The following PCDHA3 variants were observed in gnomAD, a reference collection of about 807,000 sequenced individuals.
PCDHA3 encodes protocadherin alpha 3.
PCDHA3 carries 41 observed loss-of-function variants against 62.2 expected under a neutral mutation model. The observed-to-expected ratio is 0.66, with a 90% CI of 0.51 to 0.86. The LOEUF is 0.86. PCDHA3 is among the 40% of genes least tolerant of loss of function. The pLI, the probability that PCDHA3 is intolerant of heterozygous loss-of-function variation, is 0.00. For synonymous variants in PCDHA3, 640 were observed against 555.4 expected (o/e 1.15, Z -2.14); for missense variants, 1,304 against 1,241.2 (o/e 1.05, Z -0.76).
chr5:140,976,486 G>C (rs782708902), intron 1 of PCDHA3, among the ~76,000 whole-genome samples: 1 of 152,078 alleles, frequency 6.6e-6, no homozygotes, highest in Non-Finnish European at 1.5e-5. Flanking sequence ...GGGAGGCAGA[G>C]GTTGCAGGGA....
At chr5:140,927,903 C>T in intron 1 of PCDHA3, 1 of 1,614,158 alleles carries the variant, frequency 6.2e-7, no homozygotes, top group South Asian at 1.1e-5. Flanking sequence ...ACGATCATGC[C>T]CCCGAACTGG....
chr5:140,928,863 C>T (rs1554206433), intron 1 of PCDHA3: 8 of 1,614,172 alleles, frequency 5.0e-6, no homozygotes, highest in Middle Eastern at 1.7e-4. Context: ...TGCTGTTGAG[C>T]AACTCTGTCC....
In PCDHA3 at chr5:140,849,618, A is replaced by T. The variant is rs2150442599; in HGVS notation, c.2394+46027A>T. On this transcript the variant is annotated intron_variant, in intron 1 of 3. Transcript: ENST00000522353. ...GACAGTTATTGCCCTGATTAGTGTG[A>T]TCGACCTAGACGCAGATGCCAACGG... is the stretch of plus-strand genomic sequence containing the variant. The T allele has an allele frequency of 1.9e-6, 3 of 1,598,686 alleles. No individual in the cohort carries two copies. The South Asian group carries it at 3.3e-5, about 18-fold the overall frequency.
chr5:140,948,318 A>G (rs1423632599), intron 1 of PCDHA3, among the ~76,000 whole-genome samples: 1 of 151,520 alleles, frequency 6.6e-6, no homozygotes, highest in Non-Finnish European at 1.5e-5. Flanking sequence ...TTGAGGGGTA[A>G]TGTTTTCATT....
At position 140,876,825 on chromosome 5, in the gene PCDHA3, T is replaced by C. The variant is rs200732511; in HGVS notation, c.2394+73234T>C. ...TGGAGGTGGCCGACGTGAACGACAA[T>C]GCGCCTGCGTTCGCGCAGCCCGAGT... On this transcript the variant is annotated intron_variant, in intron 1 of 3. Transcript: ENST00000522353. The C allele has an allele frequency of 2.4e-4, 380 of 1,614,056 alleles. 4 individuals carry two copies. The East Asian group carries it at 3.4e-3, about 15-fold the overall frequency.
rs545348313 is a variant in PCDHA3, at chr5:140,968,526, C to T, written c.2395-10423C>T. ...ATTCTGTACCCTACCTCAACCAACTCGTCAGCAGCCTTCGAGATGGTGCCT... is the reference window on the plus strand; with the variant it reads ...ATTCTGTACCCTACCTCAACCAACTTGTCAGCAGCCTTCGAGATGGTGCCT... On this transcript the variant is annotated intron_variant, in intron 1 of 3. Transcript: ENST00000522353. 9.9e-6 allele frequency: 16 copies of T among 1,614,200 alleles called. No individual in the cohort carries two copies. The Admixed American group carries it at 1.3e-4, about 13-fold the overall frequency.
intron 3 of PCDHA3, among the ~76,000 whole-genome samples, chr5:140,993,888 G>A (rs1196429613): frequency 6.6e-6 from 1 of 152,140 alleles, no homozygotes; most frequent in African/African-American, 2.4e-5. Flanking sequence ...GCTCTATGAT[G>A]TCCATACAAC....
intron 1 of PCDHA3, among the ~76,000 whole-genome samples, chr5:140,892,561 A>G (rs766284976): frequency 1.3e-5 from 2 of 152,156 alleles, no homozygotes; most frequent in Non-Finnish European, 2.9e-5. Context: ...GTCCTTGGAG[A>G]CTGTCAAAAG....
At chr5:140,804,261 T>A (rs1212354141) in intron 1 of PCDHA3, 2 of 152,214 alleles carry the variant, frequency 1.3e-5, no homozygotes, top group African/African-American at 4.8e-5. Context: ...AGAATAACAA[T>A]TGCATTTAGA....
intron 1 of PCDHA3, chr5:140,850,778 C>G (rs371734141): frequency 6.3e-7 from 1 of 1,597,940 alleles, no homozygotes; most frequent in Non-Finnish European, 8.6e-7. Context: ...TGTGCTCTGG[C>G]GAGGGTAAGC....
At chr5:140,955,343 A>G (rs1031411707) in intron 1 of PCDHA3, among the ~76,000 whole-genome samples, 16 of 152,134 alleles carry the variant, frequency 1.1e-4, no homozygotes, top group African/African-American at 3.9e-4. Context: ...TAATCCCCAC[A>G]TGTTGTGAGA....
rs116723352 is a variant in PCDHA3 at position 140,805,359 on chromosome 5, G to T, written c.2394+1768G>T. On this transcript the variant is annotated intron_variant, in intron 1 of 3. Transcript: ENST00000522353. ...TGATCATTTTGTAAAAATATAGTTT[G>T]GGTCCCCACATAGTGAAAGTACTCT... 602 of 1,184,762 alleles carry T rather than the reference G, an allele frequency of 5.1e-4. 6 individuals carry two copies. In the African/African-American group the frequency reaches 8.8e-3, roughly 17 times the overall value. 73.4% of individuals were successfully genotyped at this position (1,184,762 alleles called of 1,614,324 possible).
At chr5:140,901,697 C>T (rs57431111) in intron 1 of PCDHA3, among the ~76,000 whole-genome samples, 1,867 of 152,140 alleles carry the variant, frequency 0.012, 40 homozygotes, top group African/African-American at 0.043. Context: ...TTTTGTAGTT[C>T]TATATACATT....
intron 1 of PCDHA3, among the ~76,000 whole-genome samples, chr5:140,839,735 C>G (rs2093051778): frequency 6.6e-6 from 1 of 151,912 alleles, no homozygotes; most frequent in Admixed American, 6.6e-5. Context: ...ACAGAAAATA[C>G]CCTTATTTGC....
At chr5:140,855,988 C>T (rs1554148065) in intron 1 of PCDHA3, 4 of 1,481,966 alleles carry the variant, frequency 2.7e-6, no homozygotes, top group African/African-American at 1.4e-5. Flanking sequence ...CAGAAAATGT[C>T]AGATCGTATG....
chr5:140,807,199 C>A, intron 1 of PCDHA3: 1 of 1,613,498 alleles, frequency 6.2e-7, no homozygotes, highest in Non-Finnish European at 8.5e-7. Context: ...TGGAGTTTTC[C>A]TGGGGAAGCG....
intron 1 of PCDHA3, chr5:140,876,669 C>T: frequency 6.2e-7 from 1 of 1,614,186 alleles, no homozygotes; most frequent in Non-Finnish European, 8.5e-7. Context: ...AGCTGGTGTC[C>T]ACCTACAAGA....
intron 1 of PCDHA3, among the ~76,000 whole-genome samples, chr5:140,937,181 G>A (rs573153234): frequency 5.3e-5 from 8 of 151,984 alleles, no homozygotes; most frequent in African/African-American, 1.9e-4. Context: ...GGGACTACAG[G>A]CGCCCGCCAC....
intron 1 of PCDHA3, among the ~76,000 whole-genome samples, chr5:140,898,193 A>G (rs1352716396): frequency 1.7e-4 from 26 of 152,114 alleles, no homozygotes; most frequent in African/African-American, 5.3e-4. Flanking sequence ...CTTTAGTTTA[A>G]TTAGATCCCA....
Sources: allele counts gnomAD v4.1 joint callset (sites outside exome capture counted in the v4.1 genomes callset), GRCh38; gene constraint gnomAD v4.1.1; transcripts MANE v1.5; gene names NCBI Gene and HGNC (gene_info 2026-07-23, HGNC 2026-07-21).